Variants in BBX observed in about 807,000 individuals in gnomAD.
BBX encodes the protein HMG box transcription factor BBX.
In BBX, 30 loss-of-function variants were observed where a neutral mutation model predicts 100.2. The ratio of observed to expected loss-of-function variants is 0.30; its 90% CI spans 0.22 to 0.41. The LOEUF is 0.41. Among genes scored for constraint, BBX ranks in the 10% least tolerant of loss-of-function variants. BBX has a pLI of 1.00. For missense variants in BBX, 1,023 were observed against 1,129.8 expected, an observed-to-expected ratio of 0.91 and a Z score of 1.35; for synonymous variants, 376 against 388.1, an observed-to-expected ratio of 0.97 and a Z score of 0.37.
intron 15 of BBX, among the ~76,000 whole-genome samples, chr3:107,795,285 AATT>A: frequency 6.6e-6 from 1 of 152,204 alleles, no homozygotes; most frequent in East Asian, 1.9e-4. Context: ...TGTTCCAGAA[AATT>A]ACTTCTCGGA....
intron 10 of BBX, among the ~76,000 whole-genome samples, chr3:107,769,010 C>CGGGGGGGGGGGGG (rs35063548): frequency 1.6e-5 from 2 of 125,122 alleles, no homozygotes; most frequent in East Asian, 2.5e-4. Context: ...TGGGGGGCGG[C>CGGGGGGGGGGGGG]GGGGGGGGGG....
intron 10 of BBX, among the ~76,000 whole-genome samples, chr3:107,765,527 G>A (rs2066319328): frequency 1.3e-5 from 2 of 152,076 alleles, no homozygotes; most frequent in African/African-American, 4.8e-5. Flanking sequence ...GCCCACACTG[G>A]TCTGAAACTC....
intron 2 of BBX, among the ~76,000 whole-genome samples, chr3:107,535,180 G>A (rs1206740032): frequency 3.9e-5 from 6 of 152,080 alleles, no homozygotes; most frequent in African/African-American, 1.4e-4. Context: ...CTGCCATTAG[G>A]GCCACATTCC....
At chr3:107,689,611 CAT>C (rs2060035931) in intron 3 of BBX, among the ~76,000 whole-genome samples, 1 of 152,168 alleles carries the variant, frequency 6.6e-6, no homozygotes, top group African/African-American at 2.4e-5. Flanking sequence ...GCGTCACAGA[CAT>C]GTGCTGTCTT....
chr3:107,558,866 C>T (rs1025169732), intron 2 of BBX, among the ~76,000 whole-genome samples: 1 of 152,138 alleles, frequency 6.6e-6, no homozygotes, highest in African/African-American at 2.4e-5. Flanking sequence ...AGGGGCATAA[C>T]TGAACAAGGG....
At chr3:107,751,451 G>C (rs753072841) in intron 9 of BBX, among the ~76,000 whole-genome samples, 1 of 152,052 alleles carries the variant, frequency 6.6e-6, no homozygotes, top group Non-Finnish European at 1.5e-5. Flanking sequence ...GTCATTTATC[G>C]TGTAAAATAT....
intron 2 of BBX, among the ~76,000 whole-genome samples, chr3:107,596,778 T>C (rs1203781482): frequency 6.6e-6 from 1 of 152,168 alleles, no homozygotes; most frequent in African/African-American, 2.4e-5. Flanking sequence ...TAATTTAAAA[T>C]TAGAAAACAA....
At chr3:107,758,272 G>C (rs528188659) in intron 10 of BBX, among the ~76,000 whole-genome samples, 37 of 152,266 alleles carry the variant, frequency 2.4e-4, no homozygotes, top group African/African-American at 7.9e-4. Context: ...TCAATTTATT[G>C]CTGGATCCTT....
At chr3:107,798,423 C>T in intron 15 of BBX, 100 bp from the exon 16 acceptor site, 1 of 1,116,614 alleles carries the variant, frequency 9.0e-7, no homozygotes, top group Non-Finnish European at 1.3e-6. Context: ...TGTAAATTCT[C>T]CATTCAGACG....
At position 107,810,012 on chromosome 3, in the gene BBX, C is replaced by T. The variant is rs546802364; in HGVS notation, c.*4555C>T. On this transcript the variant is annotated 3_prime_UTR_variant, in exon 18 of 18. Coordinates refer to ENST00000325805, the MANE Select transcript of BBX (RefSeq NM_001142568.3). Reference sequence around the variant, plus strand: ...AGGGTTTGATGGACTGCTTTACTTTCGTTTGGAAGTGATAGCTAAGTTTAT... The same window carrying T: ...AGGGTTTGATGGACTGCTTTACTTTTGTTTGGAAGTGATAGCTAAGTTTAT... 4 of 152,118 alleles carry T rather than the reference C, an allele frequency of 2.6e-5. No homozygotes were observed. The highest frequency in any genetic ancestry group is 2.1e-4 in the South Asian group (1 of 4,806). The allele number at this position is 152,118 out of a possible 1,614,324, so 9.4% of individuals were successfully genotyped here.
In BBX at chr3:107,619,643, A is replaced by G. The variant is rs577905442; in HGVS notation, c.-83-26193A>G. Among the ~76,000 whole-genome samples the G allele has an allele frequency of 3.3e-5, 5 of 151,952 alleles. No individual in the cohort carries two copies. The East Asian group carries it at 9.7e-4, about 29-fold the overall frequency. On this transcript the variant is annotated intron_variant, in intron 2 of 17. Transcript: ENST00000325805. ...CTTTTAGGGTAGTCTTTTGGGGAAA[A>G]ATATCCATGTTTTTCTTCATTGGAG...
chr3:107,594,248 C>T (rs777080982), intron 2 of BBX, among the ~76,000 whole-genome samples: 3 of 152,094 alleles, frequency 2.0e-5, no homozygotes, highest in African/African-American at 7.2e-5. Flanking sequence ...TATTTTTTCA[C>T]GTTCACAGTT....
At chr3:107,597,837 G>C (rs1559856252) in intron 2 of BBX, among the ~76,000 whole-genome samples, 1 of 152,002 alleles carries the variant, frequency 6.6e-6, no homozygotes, top group East Asian at 1.9e-4. Context: ...CCTGCCCAGA[G>C]GTTTTGTTTT....
chr3:107,545,196 T>C (rs1457721391), intron 2 of BBX, among the ~76,000 whole-genome samples: 14 of 152,156 alleles, frequency 9.2e-5, no homozygotes, highest in Non-Finnish European at 2.1e-4. Flanking sequence ...AAGAAGAAAA[T>C]TTTCTGACCT....
intron 13 of BBX, among the ~76,000 whole-genome samples, chr3:107,781,209 C>T (rs1383676666): frequency 1.3e-5 from 2 of 151,968 alleles, no homozygotes. Context: ...TCTCCATATT[C>T]GTATCTGTAT....
intron 15 of BBX, among the ~76,000 whole-genome samples, chr3:107,792,471 C>T (rs572653575): frequency 6.6e-6 from 1 of 152,256 alleles, no homozygotes; most frequent in East Asian, 1.9e-4. Flanking sequence ...TTTAAGATAG[C>T]TAGCAAAAAT....
chr3:107,780,834 G>A (rs1168455913), intron 13 of BBX, among the ~76,000 whole-genome samples: 2 of 151,930 alleles, frequency 1.3e-5, no homozygotes, highest in Non-Finnish European at 2.9e-5. Context: ...GGGGACAGAG[G>A]AGATTATTTT....
intron 15 of BBX, among the ~76,000 whole-genome samples, 157 bp downstream of exon 15, chr3:107,791,456 C>G (rs2069022054): frequency 6.6e-6 from 1 of 152,162 alleles, no homozygotes; most frequent in Admixed American, 6.5e-5. Context: ...ATCAAAGCTG[C>G]TATTTGGGGG....
At chr3:107,598,421 C>T (rs1275859911) in intron 2 of BBX, among the ~76,000 whole-genome samples, 1 of 152,166 alleles carries the variant, frequency 6.6e-6, no homozygotes, top group Non-Finnish European at 1.5e-5. Context: ...ATATCTTGTG[C>T]TAGTCTTACT....
Sources: allele counts gnomAD v4.1 joint callset (sites outside exome capture counted in the v4.1 genomes callset), GRCh38; gene constraint gnomAD v4.1.1; transcripts MANE v1.5; gene names NCBI Gene and HGNC (gene_info 2026-07-23, HGNC 2026-07-21).